BRWD1: variants seen among roughly 807,000 people sequenced by gnomAD.
BRWD1 encodes the protein bromodomain and WD repeat domain containing 1, also known as bromodomain and WD repeat-containing protein 1.
In BRWD1, 82 loss-of-function variants were observed where a neutral mutation model predicts 251.2. The ratio of observed to expected loss-of-function variants is 0.33; its 90% CI spans 0.27 to 0.39. BRWD1 has a LOEUF of 0.39. Among genes scored for constraint, BRWD1 ranks in the 10% least tolerant of loss-of-function variants. BRWD1 has a pLI of 1.00. For synonymous variants in BRWD1, 918 were observed against 902.8 expected (o/e 1.02, Z -0.30); for missense variants, 2,233 against 2,711.6 (o/e 0.82, Z 3.92).
Position 39,229,329 on chromosome 21 carries a change from G to C in BRWD1, c.3108C>G (p.Asp1036Glu), listed in dbSNP as rs757106266. The C allele has an allele frequency of 6.2e-7, 1 of 1,600,496 alleles. No homozygotes were observed. Among genetic ancestry groups the C allele is most frequent in the Non-Finnish European group, 8.6e-7 (1 of 1,168,546 alleles). ...ATACATACCTAATAGAGAAAGATTT[G>C]TCCATAAGTTTTCCAGTTGCTGGAT... Reference protein sequence around the residue: ...FIDPATGKLMDKSFSIRYHDM... With the variant: ...FIDPATGKLMEKSFSIRYHDM... Residue 1036 changes from aspartate (D) to glutamate (E), a missense_variant, in exon 26 of 41, where the codon GAC (aspartate) becomes GAG (glutamate). This residue lies in a region of BRWD1 where 139 missense variants were observed against 272.8 expected (regional missense o/e 0.51). Transcript: ENST00000342449.
rs1195957351 is a variant in BRWD1, at chr21:39,270,143, TTTATAA to T, written c.1396-116_1396-111del. 27 of 1,211,618 alleles carry T rather than the reference TTTATAA, an allele frequency of 2.2e-5. No homozygotes were observed. In the East Asian group the frequency reaches 7.0e-4, roughly 32 times the overall value. 75.1% of individuals were successfully genotyped at this position (1,211,618 alleles called of 1,614,324 possible). On this transcript the variant is annotated intron_variant, in intron 14 of 40. Coordinates refer to ENST00000342449, the MANE Select transcript of BRWD1 (RefSeq NM_033656.4). Reference sequence around the variant, plus strand: ...CTTTTAGAAATGTATTCGACAATAATTTATAATTATAAAAATTTCTAATCATTTCAT... The same window carrying T: ...CTTTTAGAAATGTATTCGACAATAATTTATAAAAATTTCTAATCATTTCAT...
intron 8 of BRWD1, among the ~76,000 whole-genome samples, chr21:39,287,112 TATG>T (rs1311527351): frequency 1.3e-5 from 2 of 152,192 alleles, no homozygotes; most frequent in Non-Finnish European, 2.9e-5. Flanking sequence ...CCTACATAAC[TATG>T]ATTATCAATA....
At chr21:39,251,007 C>A (rs1200822051) in intron 19 of BRWD1, 118 bp from the exon 20 acceptor site, 13 of 612,924 alleles carry the variant, frequency 2.1e-5, no homozygotes, top group South Asian at 4.7e-5. Context: ...TAAAAATACA[C>A]AAAATCTCTG....
chr21:39,282,153 T>C (rs950483564), intron 8 of BRWD1, among the ~76,000 whole-genome samples: 1 of 152,014 alleles, frequency 6.6e-6, no homozygotes, highest in South Asian at 2.1e-4. Flanking sequence ...CGCATGCTTG[T>C]AGTCCCAGCT....
At chr21:39,220,585 A>G (rs2033136677) in intron 29 of BRWD1, among the ~76,000 whole-genome samples, 2 of 152,264 alleles carry the variant, frequency 1.3e-5, no homozygotes, top group South Asian at 4.1e-4. Context: ...ATGTAAAATT[A>G]TAACACAGGT....
intron 31 of BRWD1, chr21:39,217,016 T>A (rs192585784): frequency 9.1e-5 from 2 of 22,078 alleles, no homozygotes; most frequent in Non-Finnish European, 2.0e-4. Context: ...CACAAATATA[T>A]ATATATATAT....
chr21:39,300,752 A>G (rs368440124), intron 4 of BRWD1, among the ~76,000 whole-genome samples: 94 of 152,372 alleles, frequency 6.2e-4, no homozygotes, highest in African/African-American at 2.2e-3. Context: ...GAAATGGTCA[A>G]TAGAAGCAGA....
At chr21:39,269,030 G>A (rs2035019075) in intron 15 of BRWD1, among the ~76,000 whole-genome samples, 1 of 151,836 alleles carries the variant, frequency 6.6e-6, no homozygotes, top group Non-Finnish European at 1.5e-5. Context: ...AACCTAGAAA[G>A]ATACAACCAC....
rs77282416 is a variant in BRWD1, at chr21:39,279,638, CAAAAAAAAAAA to C, written c.932+499_932+509del. 9.0e-5 allele frequency among the ~76,000 whole-genome samples: 6 copies of C among 66,892 alleles called. No individual in the cohort carries two copies. The East Asian group carries it at 2.4e-3, about 27-fold the overall frequency. The allele number at this position is 66,892 out of a possible 152,430, so 43.9% of individuals were successfully genotyped here. A position where few individuals can be genotyped will look rare whatever the true frequency, so the allele number is the denominator to read the frequency against. ...TGGGCAACAGAGTGAGACTCCATCT[CAAAAAAAAAAA>C]AAAAAAAGAAAAAAAAAAAGAAAAC... On this transcript the variant is annotated intron_variant, in intron 9 of 40. Transcript: ENST00000342449.
At chr21:39,292,645 A>T (rs1389210129) in intron 8 of BRWD1, among the ~76,000 whole-genome samples, 1 of 152,232 alleles carries the variant, frequency 6.6e-6, no homozygotes, top group African/African-American at 2.4e-5. Context: ...TAACAGAAAT[A>T]CAGAGGAACA....
intron 18 of BRWD1, among the ~76,000 whole-genome samples, chr21:39,257,187 T>C (rs1205721420): frequency 1.4e-5 from 2 of 138,512 alleles, no homozygotes; most frequent in South Asian, 2.3e-4. Flanking sequence ...CACAGAGGAG[T>C]AGTATGAAGC....
At chr21:39,250,116 G>A (rs188809279) in intron 20 of BRWD1, among the ~76,000 whole-genome samples, 5 of 151,992 alleles carry the variant, frequency 3.3e-5, no homozygotes, top group Non-Finnish European at 4.4e-5. Flanking sequence ...GGACTCCCTC[G>A]GGCTTTGGCT....
intron 25 of BRWD1, among the ~76,000 whole-genome samples, chr21:39,231,120 T>C: frequency 6.6e-6 from 1 of 152,212 alleles, no homozygotes; most frequent in Non-Finnish European, 1.5e-5. Flanking sequence ...ACAGCTATAT[T>C]TGTTAAAATA....
intron 29 of BRWD1, among the ~76,000 whole-genome samples, chr21:39,220,229 T>C (rs1308917966): frequency 1.3e-5 from 2 of 152,012 alleles, no homozygotes; most frequent in East Asian, 3.9e-4. Context: ...AACCCACACG[T>C]GTGAAGAAAT....
chr21:39,260,424 G>C (rs534379871), intron 17 of BRWD1, among the ~76,000 whole-genome samples: 2 of 152,258 alleles, frequency 1.3e-5, no homozygotes, highest in Admixed American at 1.3e-4. Context: ...ACAAGCGTGA[G>C]CCACTGCACT....
chr21:39,293,100 T>C (rs2035862230), intron 8 of BRWD1, among the ~76,000 whole-genome samples: 1 of 152,212 alleles, frequency 6.6e-6, no homozygotes, highest in Admixed American at 6.5e-5. Flanking sequence ...GAATTGGCCA[T>C]GGGTTGACAG....
chr21:39,256,365 A>C (rs979251514), intron 18 of BRWD1, among the ~76,000 whole-genome samples: 1 of 152,258 alleles, frequency 6.6e-6, no homozygotes, highest in Non-Finnish European at 1.5e-5. Flanking sequence ...CTCTTGCAAC[A>C]GTAATCATGA....
In BRWD1 at chr21:39,190,240, A is replaced by T. The variant is rs912202938; in HGVS notation, c.*6019T>A. On this transcript the variant is annotated 3_prime_UTR_variant, in exon 41 of 41. Coordinates refer to ENST00000342449, the MANE Select transcript of BRWD1 (RefSeq NM_033656.4). ...CATATTCTAATTAGACTTTTTTTTA[A>T]TTTTTAAGCTACCTTATTTACAGAT... is the stretch of plus-strand genomic sequence containing the variant. 153 of 785,582 alleles carry T rather than the reference A, an allele frequency of 1.9e-4. No individual in the cohort carries two copies. Among genetic ancestry groups the T allele is most frequent in the Non-Finnish European group, 1.2e-4 (81 of 665,384 alleles). 48.7% of individuals were successfully genotyped at this position (785,582 alleles called of 1,614,324 possible). A position where few individuals can be genotyped will look rare whatever the true frequency, so the allele number is the denominator to read the frequency against.
At chr21:39,295,403 G>T (rs2035935674) in intron 7 of BRWD1, among the ~76,000 whole-genome samples, 1 of 151,842 alleles carries the variant, frequency 6.6e-6, no homozygotes, top group Non-Finnish European at 1.5e-5. Context: ...TAGCCAGGAT[G>T]GTCTCGATCT....
Sources: allele counts gnomAD v4.1 joint callset (sites outside exome capture counted in the v4.1 genomes callset), GRCh38; gene constraint gnomAD v4.1.1; regional missense constraint gnomAD v4.1.1; transcripts MANE v1.5; gene names NCBI Gene and HGNC (gene_info 2026-07-23, HGNC 2026-07-21).